TNKS: variants seen among roughly 807,000 people sequenced by gnomAD.
TNKS encodes the protein tankyrase, also known as poly [ADP-ribose] polymerase tankyrase-1.
TNKS carries 72 observed loss-of-function variants against 135.8 expected under a neutral mutation model. The observed-to-expected ratio is 0.53, with a 90% confidence interval of 0.44 to 0.64. TNKS has a LOEUF of 0.64. Ranked by LOEUF, TNKS falls within the 30% of genes least tolerant of loss-of-function variation. TNKS has a pLI of 0.00. For missense variants in TNKS, 1,769 were observed against 1,674.0 expected, an observed-to-expected ratio of 1.06 and a Z score of -0.99; for synonymous variants, 849 against 649.3, an observed-to-expected ratio of 1.31 and a Z score of -4.68.
chr8:9,654,255 C>G (rs1034224239), intron 3 of TNKS, among the ~76,000 whole-genome samples: 3 of 152,186 alleles, frequency 2.0e-5, no homozygotes, highest in African/African-American at 7.2e-5. Context: ...AAGATTCTAA[C>G]AGGCATTTGG....
At chr8:9,557,025 T>G in intron 1 of TNKS, 1 of 266,778 alleles carries the variant, frequency 3.7e-6, no homozygotes, top group Non-Finnish European at 7.1e-6. Context: ...AGAGGTTTAA[T>G]ACAACCCAAC....
chr8:9,753,060 T>G (rs1806635760), intron 20 of TNKS, among the ~76,000 whole-genome samples: 1 of 152,200 alleles, frequency 6.6e-6, no homozygotes, highest in South Asian at 2.1e-4. Flanking sequence ...CACATTTCTA[T>G]AAGAAGCCAG....
Position 9,734,849 on chromosome 8 carries a change from T to C in TNKS, c.2314-16T>C, listed in dbSNP as rs747991097. On this transcript the variant is annotated splice_polypyrimidine_tract_variant and intron_variant, in intron 15 of 26. Coordinates refer to ENST00000310430, the MANE Select transcript of TNKS (RefSeq NM_003747.3). ...TACAGAAAATACAAACCCCATTTGG[T>C]TTTTCTTCTTTGTAGCATGGAGCAG... 1.9e-6 allele frequency: 3 copies of C among 1,602,174 alleles called. No individual in the cohort carries two copies. The Admixed American group carries it at 5.1e-5, about 27-fold the overall frequency.
At position 9,694,761 on chromosome 8, in the gene TNKS, CA is replaced by C. The variant is rs58723864; in HGVS notation, c.1108-9885del. ...TGGGCAACAGAGCGAGACTCTGTCTCAAAAAAAAAAAAAAAAAGATATTGTC... is the reference window on the plus strand; with the variant it reads ...TGGGCAACAGAGCGAGACTCTGTCTCAAAAAAAAAAAAAAAAGATATTGTC... On this transcript the variant is annotated intron_variant, in intron 5 of 26. Transcript: ENST00000310430. Among the ~76,000 whole-genome samples the C allele has an allele frequency of 2.2e-3, 295 of 132,026 alleles. 4 individuals are homozygous for C. The highest frequency in any genetic ancestry group is 7.1e-3 in the East Asian group (31 of 4,362). 86.6% of individuals were successfully genotyped at this position (132,026 alleles called of 152,430 possible).
intron 2 of TNKS, among the ~76,000 whole-genome samples, chr8:9,600,627 A>C (rs1030437702): frequency 2.0e-5 from 3 of 152,050 alleles, no homozygotes; most frequent in Non-Finnish European, 4.4e-5. Flanking sequence ...ACTTTTTTTT[A>C]AAAAAGAAAT....
chr8:9,662,603 G>T (rs1480734088), intron 3 of TNKS, among the ~76,000 whole-genome samples: 1 of 152,088 alleles, frequency 6.6e-6, no homozygotes, highest in Non-Finnish European at 1.5e-5. Context: ...TGTGTGGTGG[G>T]GATAGGGGGA....
intron 3 of TNKS, among the ~76,000 whole-genome samples, chr8:9,667,205 A>T (rs1012680370): frequency 6.6e-6 from 1 of 152,248 alleles, no homozygotes; most frequent in African/African-American, 2.4e-5. Flanking sequence ...TGAAGTATTT[A>T]TATTGAAATA....
At chr8:9,582,008 C>CT (rs368161271) in intron 2 of TNKS, among the ~76,000 whole-genome samples, 96 of 152,166 alleles carry the variant, frequency 6.3e-4, no homozygotes, top group African/African-American at 2.3e-3. Context: ...GTTCTTGTGC[C>CT]TTATAAAAGT....
At chr8:9,624,275 C>T (rs867359071) in intron 3 of TNKS, among the ~76,000 whole-genome samples, 1 of 152,174 alleles carries the variant, frequency 6.6e-6, no homozygotes, top group South Asian at 2.1e-4. Context: ...TCAGCTACAA[C>T]CAAATTGGTA....
rs1159643951 is a variant in TNKS, at chr8:9,748,899, C to T, written c.2832+687C>T. Among the ~76,000 whole-genome samples the T allele has an allele frequency of 3.3e-5, 5 of 152,152 alleles. 1 individual carries two copies. The South Asian group carries it at 8.3e-4, about 25-fold the overall frequency. The stretch of plus-strand genomic sequence containing the variant: ...ATATAGCTGGTGGCTGGGGCAGAAA[C>T]ATAAAGACGGCTTCATTCATATGCC... On this transcript the variant is annotated intron_variant, in intron 18 of 26. Coordinates refer to ENST00000310430, the MANE Select transcript of TNKS (RefSeq NM_003747.3).
At chr8:9,565,151 T>A (rs1037770712) in intron 1 of TNKS, among the ~76,000 whole-genome samples, 2 of 152,234 alleles carry the variant, frequency 1.3e-5, no homozygotes, top group African/African-American at 4.8e-5. Flanking sequence ...AGTTCTCTTC[T>A]CGAATCTTGT....
intron 2 of TNKS, among the ~76,000 whole-genome samples, chr8:9,608,248 T>C (rs1444745734): frequency 6.6e-6 from 1 of 152,208 alleles, no homozygotes; most frequent in Non-Finnish European, 1.5e-5. Context: ...GCTTGTGTTA[T>C]CAGTAGTTTT....
intron 5 of TNKS, among the ~76,000 whole-genome samples, chr8:9,687,919 A>G (rs994628792): frequency 5.9e-5 from 9 of 152,252 alleles, no homozygotes; most frequent in Admixed American, 3.9e-4. Flanking sequence ...TTCTGCCTTT[A>G]CAAGTAAACC....
At chr8:9,630,090 G>A (rs987710897) in intron 3 of TNKS, among the ~76,000 whole-genome samples, 2 of 152,140 alleles carry the variant, frequency 1.3e-5, no homozygotes, top group Non-Finnish European at 1.5e-5. Context: ...CAGTCACCCT[G>A]TATATCCCGT....
At chr8:9,678,468 C>A (rs926843842) in intron 3 of TNKS, among the ~76,000 whole-genome samples, 3 of 152,302 alleles carry the variant, frequency 2.0e-5, no homozygotes. Flanking sequence ...AACTCTATGA[C>A]CATGAAATCA....
At chr8:9,692,195 G>T (rs1347097606) in intron 5 of TNKS, among the ~76,000 whole-genome samples, 4 of 152,152 alleles carry the variant, frequency 2.6e-5, no homozygotes, top group African/African-American at 9.7e-5. Flanking sequence ...TAGCCATCCG[G>T]CCAACTCCCC....
chr8:9,571,833 G>T (rs1585181140), intron 1 of TNKS, among the ~76,000 whole-genome samples: 1 of 152,080 alleles, frequency 6.6e-6, no homozygotes, highest in South Asian at 2.1e-4. Context: ...ACTTTTTTAG[G>T]TACTTGAATA....
Position 9,556,343 on chromosome 8 carries a change from C to T in TNKS, c.404C>T (p.Pro135Leu), listed in dbSNP as rs1815300136. 1.2e-6 allele frequency: 2 copies of T among 1,614,234 alleles called. No individual in the cohort carries two copies. Among genetic ancestry groups the T allele is most frequent in the Non-Finnish European group, 1.7e-6 (2 of 1,180,054 alleles). The change falls in exon 1 of 27, where the codon CCG (proline) becomes CTG (leucine). Residue 135 changes from proline (P) to leucine (L), a missense_variant. Transcript: ENST00000310430. The part of the protein sequence containing the change: ...SNNSPSSSSS[P>L]TSSSSSSPSS... ...AATTCACCGTCGTCCTCTTCTTCCC[C>T]GACTTCTTCCTCATCTTCCTCTCCA...
At chr8:9,712,367 C>T (rs1412477911) in intron 11 of TNKS, among the ~76,000 whole-genome samples, 3 of 151,748 alleles carry the variant, frequency 2.0e-5, no homozygotes, top group Admixed American at 6.6e-5. Flanking sequence ...ATAGTCCTAG[C>T]GACTCGGGAG....
Sources: gnomAD v4.1 joint callset for allele counts (sites outside exome capture counted in the v4.1 genomes callset) on GRCh38, gnomAD v4.1.1 for gene constraint, MANE v1.5 for transcripts, NCBI Gene and HGNC (gene_info 2026-07-23, HGNC 2026-07-21) for gene names.